Variants in PLCL2 observed in about 807,000 individuals in gnomAD.
PLCL2 encodes the protein inactive phospholipase C-like protein 2.
Under a neutral mutation model 79.6 loss-of-function variants are expected in PLCL2, and 4 were observed. The observed-to-expected ratio is 0.05, with a 90% CI of 0.02 to 0.11. The LOEUF is 0.11. PLCL2 is among the 10% of genes least tolerant of loss of function. The pLI is 1.00. For missense variants in PLCL2, 895 were observed against 1,291.0 expected, an observed-to-expected ratio of 0.69 and a Z score of 4.70; for synonymous variants, 484 against 457.7, an observed-to-expected ratio of 1.06 and a Z score of -0.73.
intron 1 of PLCL2, among the ~76,000 whole-genome samples, chr3:16,964,688 C>T (rs2063788090): frequency 6.6e-6 from 1 of 151,758 alleles, no homozygotes; most frequent in African/African-American, 2.4e-5. Flanking sequence ...CCTGTTGTTT[C>T]CTGACTTTTT....
chr3:16,925,933 T>G (rs1462306097), intron 1 of PLCL2, among the ~76,000 whole-genome samples: 1 of 152,224 alleles, frequency 6.6e-6, no homozygotes, highest in Non-Finnish European at 1.5e-5. Context: ...TATATTTAGT[T>G]TTTTGAAAAA....
intron 1 of PLCL2, among the ~76,000 whole-genome samples, chr3:16,937,190 T>A (rs939869626): frequency 1.3e-5 from 2 of 151,928 alleles, no homozygotes; most frequent in East Asian, 3.9e-4. Flanking sequence ...CAGATCGGAG[T>A]TTGTATTTGA....
rs547582289 is a variant in PLCL2 at position 16,904,306 on chromosome 3, C to CA, written c.327+18951dup. The stretch of plus-strand genomic sequence containing the variant: ...CCTTAACCTTTTCAAGAGATCTTGA[C>CA]AAAAAAAAAAAGCAAACTTTGGAGT... On this transcript the variant is annotated intron_variant, in intron 1 of 5. Transcript: ENST00000615277. 6.1e-3 allele frequency among the ~76,000 whole-genome samples: 705 copies of CA among 115,970 alleles called. 5 individuals carry two copies. Among genetic ancestry groups the CA allele is most frequent in the Middle Eastern group, 9.8e-3 (2 of 204 alleles). The allele number at this position is 115,970 out of a possible 152,430, so 76.1% of individuals were successfully genotyped here. A position where few individuals can be genotyped will look rare whatever the true frequency, so the allele number is the denominator to read the frequency against.
rs1221666308 is a variant in PLCL2, at chr3:17,090,054, A to T, written c.*142A>T. The T allele has an allele frequency of 7.2e-7, 1 of 1,397,102 alleles. No individual in the cohort carries two copies. The highest frequency in any genetic ancestry group is 9.3e-7 in the Non-Finnish European group (1 of 1,073,504). 86.5% of individuals were successfully genotyped at this position (1,397,102 alleles called of 1,614,324 possible). On this transcript the variant is annotated 3_prime_UTR_variant, in exon 6 of 6. Transcript: ENST00000615277. ...GGAATAGCTAATTACAGTCTATTAA[A>T]ACTGTGAATGTATGTAGCAATCCTG... is the stretch of plus-strand genomic sequence containing the variant.
intron 3 of PLCL2, among the ~76,000 whole-genome samples, chr3:17,027,456 C>T (rs894580503): frequency 2.0e-5 from 3 of 152,130 alleles, no homozygotes; most frequent in Non-Finnish European, 4.4e-5. Flanking sequence ...AGGGTAGTTG[C>T]GACAGAAACT....
intron 1 of PLCL2, among the ~76,000 whole-genome samples, chr3:16,992,819 A>C (rs991677181): frequency 6.6e-6 from 1 of 152,224 alleles, no homozygotes; most frequent in Non-Finnish European, 1.5e-5. Flanking sequence ...AGCCAGCCTC[A>C]GGAAATAAAC....
intron 1 of PLCL2, among the ~76,000 whole-genome samples, chr3:16,949,181 C>T (rs537037059): frequency 5.6e-4 from 84 of 150,662 alleles, no homozygotes; most frequent in African/African-American, 1.7e-3. Context: ...ATGTGCAAAG[C>T]TCTTCTCTAT....
chr3:17,040,201 G>C (rs17043032), intron 3 of PLCL2, among the ~76,000 whole-genome samples: 1,986 of 152,204 alleles, frequency 0.013, 48 homozygotes, highest in African/African-American at 0.045. Context: ...CACACATAGA[G>C]GGCCTCAGTA....
chr3:17,064,001 G>A (rs1340986990), intron 4 of PLCL2, among the ~76,000 whole-genome samples: 1 of 152,330 alleles, frequency 6.6e-6, no homozygotes, highest in African/African-American at 2.4e-5. Flanking sequence ...AGACAGAATA[G>A]TATGACTTAC....
intron 1 of PLCL2, among the ~76,000 whole-genome samples, chr3:16,898,713 C>T (rs181376636): frequency 6.6e-6 from 1 of 152,332 alleles, no homozygotes; most frequent in East Asian, 1.9e-4. Context: ...AATAACAGGG[C>T]TTGATAAAGC....
rs576428702 is a variant in PLCL2 at position 17,008,644 on chromosome 3, G to A, written c.328-1030G>A. 1.1e-4 allele frequency among the ~76,000 whole-genome samples: 16 copies of A among 152,066 alleles called. No homozygotes were observed. In the East Asian group the frequency reaches 1.7e-3, roughly 17 times the overall value. Reference sequence around the variant, plus strand: ...TTTGAGAAGTATTGGTGTAGGAGGCGTACGTAGAAACAGGGCCTGTTTCAT... The same window carrying A: ...TTTGAGAAGTATTGGTGTAGGAGGCATACGTAGAAACAGGGCCTGTTTCAT... On this transcript the variant is annotated intron_variant, in intron 1 of 5. Coordinates refer to ENST00000615277, the MANE Select transcript of PLCL2 (RefSeq NM_001144382.2).
At chr3:17,020,576 G>T (rs947929494) in intron 3 of PLCL2, among the ~76,000 whole-genome samples, 1 of 151,868 alleles carries the variant, frequency 6.6e-6, no homozygotes, top group Non-Finnish European at 1.5e-5. Context: ...CTTCACAAAA[G>T]TCTTGATTTT....
At chr3:17,031,929 C>CTTTTTTTTTTTTTTTTTTTTTTTTTCTTT (rs35640259) in intron 3 of PLCL2, among the ~76,000 whole-genome samples, 1 of 109,050 alleles carries the variant, frequency 9.2e-6, no homozygotes, top group Non-Finnish European at 1.9e-5. Flanking sequence ...CAATTTTCAC[C>CTTTTTTTTTTTTTTTTTTTTTTTTTCTTT]TTTTTTTTTT....
intron 3 of PLCL2, among the ~76,000 whole-genome samples, chr3:17,027,084 G>A (rs4596131): frequency 0.59 from 90,028 of 151,318 alleles, 27,195 homozygotes; most frequent in African/African-American, 0.71. Context: ...AACATATATC[G>A]TAATATGTGT....
At chr3:16,983,201 G>T (rs1276145931) in intron 1 of PLCL2, among the ~76,000 whole-genome samples, 2 of 151,616 alleles carry the variant, frequency 1.3e-5, no homozygotes, top group Non-Finnish European at 1.5e-5. Context: ...TTTCTTTAGG[G>T]TTAGACTTGT....
At chr3:17,025,327 A>G (rs2064504926) in intron 3 of PLCL2, among the ~76,000 whole-genome samples, 1 of 152,108 alleles carries the variant, frequency 6.6e-6, no homozygotes, top group South Asian at 2.1e-4. Flanking sequence ...ATACTTTTTT[A>G]TGGAGAAATT....
At chr3:16,937,733 G>A (rs1002494772) in intron 1 of PLCL2, among the ~76,000 whole-genome samples, 1 of 152,164 alleles carries the variant, frequency 6.6e-6, no homozygotes, top group South Asian at 2.1e-4. Context: ...AATTAGTGGT[G>A]TGTGTTTTCC....
intron 4 of PLCL2, among the ~76,000 whole-genome samples, chr3:17,067,049 C>G (rs1002106685): frequency 6.6e-6 from 1 of 152,098 alleles, no homozygotes; most frequent in African/African-American, 2.4e-5. Flanking sequence ...GCACTTCCCT[C>G]CACCACATAC....
Position 16,997,621 on chromosome 3 carries a change from C to T in PLCL2, c.328-12053C>T, listed in dbSNP as rs200463374. 5.9e-5 allele frequency among the ~76,000 whole-genome samples: 9 copies of T among 151,672 alleles called. 1 individual carries two copies. The East Asian group carries it at 1.4e-3, about 23-fold the overall frequency. On this transcript the variant is annotated intron_variant, in intron 1 of 5. Coordinates refer to ENST00000615277, the MANE Select transcript of PLCL2 (RefSeq NM_001144382.2). ...TGGCGCAATCTCAGCTCACTGCAAC[C>T]TCCACCTCCGGGGTTCAAGCAATTC...
Sources: allele counts gnomAD v4.1 joint callset (sites outside exome capture counted in the v4.1 genomes callset), GRCh38; gene constraint gnomAD v4.1.1; transcripts MANE v1.5; gene names NCBI Gene and HGNC (gene_info 2026-07-23, HGNC 2026-07-21).